LDLRAD3: variants seen among roughly 807,000 people sequenced by gnomAD.
LDLRAD3 encodes low-density lipoprotein receptor class A domain-containing protein 3.
In LDLRAD3, 20 loss-of-function variants were observed where a neutral mutation model predicts 29.4. The observed-to-expected ratio is 0.68, with a 90% CI of 0.48 to 0.99. LDLRAD3 has a LOEUF of 0.99. Ranked by LOEUF, LDLRAD3 falls within the 50% of genes least tolerant of loss-of-function variation. LDLRAD3 has a pLI of 0.00. For synonymous variants in LDLRAD3, 157 were observed against 192.7 expected, an observed-to-expected ratio of 0.81 and a Z score of 1.53; for missense variants, 420 against 454.3, an observed-to-expected ratio of 0.92 and a Z score of 0.69.
intron 3 of LDLRAD3, among the ~76,000 whole-genome samples, chr11:36,089,520 C>T (rs1017405975): frequency 2.6e-5 from 4 of 151,970 alleles, no homozygotes; most frequent in Non-Finnish European, 5.9e-5. Context: ...CTCCGCCTCC[C>T]GGGTTCAAGC....
chr11:36,176,867 A>C (rs973553611), intron 4 of LDLRAD3, among the ~76,000 whole-genome samples: 11 of 152,194 alleles, frequency 7.2e-5, no homozygotes, highest in South Asian at 4.1e-4. Context: ...GTCTCTAGCA[A>C]GGCCAGGGAA....
intron 4 of LDLRAD3, among the ~76,000 whole-genome samples, chr11:36,124,615 G>A (rs1853808724): frequency 6.6e-6 from 1 of 151,720 alleles, no homozygotes; most frequent in Non-Finnish European, 1.5e-5. Flanking sequence ...TACCCTGTAT[G>A]TTCTAACTGG....
intron 2 of LDLRAD3, among the ~76,000 whole-genome samples, chr11:36,066,579 A>G (rs1274620919): frequency 2.0e-5 from 3 of 152,244 alleles, no homozygotes; most frequent in African/African-American, 7.2e-5. Context: ...CAAAATAAAT[A>G]ACCTTTAAAA....
At chr11:36,133,056 T>C (rs1421484850) in intron 4 of LDLRAD3, among the ~76,000 whole-genome samples, 2 of 152,256 alleles carry the variant, frequency 1.3e-5, no homozygotes, top group African/African-American at 4.8e-5. Flanking sequence ...GCCCATGGTA[T>C]GTGCTCATTA....
chr11:36,113,671 A>ATTT (rs1853635892), intron 4 of LDLRAD3, among the ~76,000 whole-genome samples: 1 of 123,772 alleles, frequency 8.1e-6, no homozygotes, highest in South Asian at 2.5e-4. Context: ...ACATAGCATC[A>ATTT]CTTTTTTTTT....
intron 4 of LDLRAD3, among the ~76,000 whole-genome samples, chr11:36,126,144 C>T (rs11033443): frequency 0.36 from 55,088 of 151,966 alleles, 10,514 homozygotes; most frequent in East Asian, 0.67. Flanking sequence ...GGCAGGATCC[C>T]GCAGGAAGCG....
rs567034965 is a variant in LDLRAD3, at chr11:36,007,207, G to A, written c.47-28896G>A. On this transcript the variant is annotated intron_variant, in intron 1 of 5. Transcript: ENST00000315571. ...GTAAGTGGAAGTCGTACATGCACCC[G>A]AAGTAATTAATGCACTTTCTACTAG... Among the ~76,000 whole-genome samples the A allele has an allele frequency of 7.9e-5, 12 of 152,306 alleles. No individual in the cohort carries two copies. In the East Asian group the frequency reaches 1.9e-3, roughly 24 times the overall value.
At chr11:35,957,795 C>CAAAAAAA (rs1177748172) in intron 1 of LDLRAD3, among the ~76,000 whole-genome samples, 8 of 79,222 alleles carry the variant, frequency 1.0e-4, no homozygotes, top group African/African-American at 2.7e-4. Context: ...GACCTTATCT[C>CAAAAAAA]AAAAAAAAAA....
chr11:36,074,179 G>C (rs1295230034), intron 2 of LDLRAD3, among the ~76,000 whole-genome samples: 1 of 152,226 alleles, frequency 6.6e-6, no homozygotes, highest in Non-Finnish European at 1.5e-5. Context: ...GTATGGTGCA[G>C]CTCCTTTAAA....
chr11:35,958,282 CAG>C (rs1445442974), intron 1 of LDLRAD3, among the ~76,000 whole-genome samples: 1 of 152,200 alleles, frequency 6.6e-6, no homozygotes, highest in Non-Finnish European at 1.5e-5. Context: ...AGCACAGACA[CAG>C]AGCATTTCTG....
chr11:36,159,523 C>G (rs1361911014), intron 4 of LDLRAD3, among the ~76,000 whole-genome samples: 1 of 142,962 alleles, frequency 7.0e-6, no homozygotes, highest in Admixed American at 7.6e-5. Flanking sequence ...CCAGGGGAAG[C>G]CAAGGCAGAA....
At chr11:36,108,411 C>T (rs1050716612) in intron 4 of LDLRAD3, among the ~76,000 whole-genome samples, 1 of 145,858 alleles carries the variant, frequency 6.9e-6, no homozygotes, top group African/African-American at 2.5e-5. Context: ...AATTGAAGAA[C>T]GGTAATAGGG....
At chr11:35,976,108 G>C (rs930798913) in intron 1 of LDLRAD3, among the ~76,000 whole-genome samples, 10 of 152,028 alleles carry the variant, frequency 6.6e-5, no homozygotes, top group African/African-American at 2.2e-4. Context: ...GAAGGATAGG[G>C]CCTAGTTCCT....
intron 1 of LDLRAD3, among the ~76,000 whole-genome samples, chr11:36,022,665 G>A (rs1428698495): frequency 6.6e-6 from 1 of 152,174 alleles, no homozygotes; most frequent in African/African-American, 2.4e-5. Context: ...AGAATTCAGT[G>A]TATGGGCTCC....
chr11:36,201,798 G>C (rs111272017), intron 4 of LDLRAD3, among the ~76,000 whole-genome samples: 1,699 of 152,304 alleles, frequency 0.011, 29 homozygotes, highest in Non-Finnish European at 0.015. Flanking sequence ...AAATATAAAA[G>C]AGGCAGTTGC....
intron 2 of LDLRAD3, among the ~76,000 whole-genome samples, chr11:36,077,827 G>A (rs565205827): frequency 6.6e-5 from 10 of 152,250 alleles, no homozygotes; most frequent in East Asian, 5.8e-4. Flanking sequence ...TGTCTGCTGC[G>A]ACATGGTGGG....
chr11:36,150,262 T>C (rs1854258480), intron 4 of LDLRAD3, among the ~76,000 whole-genome samples: 1 of 152,172 alleles, frequency 6.6e-6, no homozygotes, highest in African/African-American at 2.4e-5. Flanking sequence ...GCACAGTGGC[T>C]CACACGTGTA....
intron 2 of LDLRAD3, among the ~76,000 whole-genome samples, chr11:36,054,991 ATGG>A (rs1852594900): frequency 2.3e-5 from 3 of 132,256 alleles, no homozygotes; most frequent in Non-Finnish European, 4.9e-5. Flanking sequence ...GGATGGATGG[ATGG>A]ATGGATGCAT....
chr11:36,025,529 T>C (rs1361997755), intron 1 of LDLRAD3, among the ~76,000 whole-genome samples: 4 of 151,672 alleles, frequency 2.6e-5, no homozygotes, highest in Non-Finnish European at 5.9e-5. Context: ...GCTGGGACTA[T>C]AGGCGCCCGC....
Sources: allele counts gnomAD v4.1 joint callset (sites outside exome capture counted in the v4.1 genomes callset), GRCh38; gene constraint gnomAD v4.1.1; transcripts MANE v1.5; gene names NCBI Gene and HGNC (gene_info 2026-07-23, HGNC 2026-07-21).